UTS2: variants seen among roughly 807,000 people sequenced by gnomAD.
UTS2 encodes the protein urotensin-2.
In UTS2, 10 loss-of-function variants were observed where a neutral mutation model predicts 12.6. The ratio of observed to expected loss-of-function variants is 0.80; its 90% CI spans 0.49 to 1.35. UTS2 has a LOEUF of 1.35. UTS2 is among the 40% of genes most tolerant of loss of function. The pLI, the probability that UTS2 is intolerant of heterozygous loss-of-function variation, is 0.00. For synonymous variants in UTS2, 52 were observed against 50.0 expected, an observed-to-expected ratio of 1.04 and a Z score of -0.17; for missense variants, 142 against 143.2, an observed-to-expected ratio of 0.99 and a Z score of 0.04.
chr1:7,893,783 T>C, the UTS2 span, among the ~76,000 whole-genome samples: 12 of 152,180 alleles, frequency 7.9e-5, no homozygotes, highest in African/African-American at 2.4e-4. Flanking sequence ...CACTCACCCA[T>C]ATATTTCGTC....
the UTS2 span, among the ~76,000 whole-genome samples, chr1:7,892,904 G>A: frequency 7.9e-5 from 12 of 151,984 alleles, no homozygotes; most frequent in East Asian, 2.3e-3. Context: ...AGTCCTTTTT[G>A]CCATGAAAGG....
At chr1:7,870,543 C>T in the UTS2 span, among the ~76,000 whole-genome samples, 58 of 152,326 alleles carry the variant, frequency 3.8e-4, no homozygotes, top group South Asian at 1.2e-3. Flanking sequence ...GTAAATTCTG[C>T]GTAGTGCATC....
chr1:7,905,505 A>C, the UTS2 span, among the ~76,000 whole-genome samples: 82 of 151,954 alleles, frequency 5.4e-4, no homozygotes, highest in African/African-American at 1.8e-3. Context: ...AAACTGTGGC[A>C]AAAACTGCAA....
At chr1:7,878,079 A>G in the UTS2 span, among the ~76,000 whole-genome samples, 4 of 152,384 alleles carry the variant, frequency 2.6e-5, no homozygotes, top group Admixed American at 6.5e-5. Context: ...AAAAGAATCC[A>G]GCAGATTTCT....
At chr1:7,855,136 G>C (rs74646015), upstream of UTS2, among the ~76,000 whole-genome samples, 11,215 of 152,124 alleles carry the variant, frequency 0.074, 970 homozygotes, top group East Asian at 0.38. Context: ...ACTCCAGCCT[G>C]GGTGGCAAGA....
chr1:7,870,377 T>C, the UTS2 span, among the ~76,000 whole-genome samples: 1 of 152,336 alleles, frequency 6.6e-6, no homozygotes, highest in Non-Finnish European at 1.5e-5. Flanking sequence ...ACCTTGATCT[T>C]GGACTTCCAG....
At chr1:7,873,722 C>A in the UTS2 span, among the ~76,000 whole-genome samples, 9 of 152,100 alleles carry the variant, frequency 5.9e-5, no homozygotes, top group African/African-American at 2.2e-4. Context: ...GTGAAGATGC[C>A]GCCAATATTG....
In UTS2 at chr1:7,850,909, G is replaced by A. The variant is rs374753674; in HGVS notation, c.117C>T (p.Asp39=). ...ISFQLSAPHE[D]ARLTPEELER... ...CTAGCTCCTCCGGAGTTAAGCGCGC[G>A]TCTTCATGAGGTGCTACAGAGTAAA... is the stretch of plus-strand genomic sequence containing the variant. The change falls in exon 2 of 4, where the codon GAC becomes GAT. Residue 39 remains aspartate, a synonymous_variant. Transcript: ENST00000361696. 2.9e-5 allele frequency: 47 copies of A among 1,614,002 alleles called. No individual in the cohort carries two copies. Among genetic ancestry groups the A allele is most frequent in the South Asian group, 1.1e-4 (10 of 91,074 alleles).
intron 3 of UTS2, among the ~76,000 whole-genome samples, chr1:7,848,622 T>G (rs990454150): frequency 6.6e-6 from 1 of 152,136 alleles, no homozygotes; most frequent in East Asian, 1.9e-4. Flanking sequence ...CAGGTTCAAG[T>G]GATCCTCCTG....
the UTS2 span, among the ~76,000 whole-genome samples, chr1:7,882,251 C>T: frequency 6.6e-6 from 1 of 152,078 alleles, no homozygotes; most frequent in South Asian, 2.1e-4. Context: ...GGAAGTATTG[C>T]TTGAGCCCAG....
chr1:7,894,362 C>T, the UTS2 span, among the ~76,000 whole-genome samples: 3 of 151,768 alleles, frequency 2.0e-5, no homozygotes, highest in Non-Finnish European at 4.4e-5. Context: ...TTTGTAGAGA[C>T]GGGGTCGCAT....
chr1:7,903,510 C>G, the UTS2 span, among the ~76,000 whole-genome samples: 1 of 151,982 alleles, frequency 6.6e-6, no homozygotes, highest in Non-Finnish European at 1.5e-5. Flanking sequence ...CCCCAACCTC[C>G]GGAGTAGTAG....
At chr1:7,874,248 C>T in the UTS2 span, among the ~76,000 whole-genome samples, 1 of 152,290 alleles carries the variant, frequency 6.6e-6, no homozygotes, top group East Asian at 1.9e-4. Flanking sequence ...CACAGAGAGC[C>T]CCTTGGCCCT....
the UTS2 span, among the ~76,000 whole-genome samples, chr1:7,871,803 A>C: frequency 6.6e-6 from 1 of 152,164 alleles, no homozygotes; most frequent in African/African-American, 2.4e-5. Flanking sequence ...TGCCCATATA[A>C]GACAGCAAAT....
the UTS2 span, among the ~76,000 whole-genome samples, chr1:7,900,514 C>T: frequency 4.7e-4 from 71 of 152,286 alleles, no homozygotes; most frequent in African/African-American, 1.7e-3. Flanking sequence ...TGGTGGCTCA[C>T]GCCTGTAATC....
At chr1:7,877,465 A>G in the UTS2 span, among the ~76,000 whole-genome samples, 2 of 152,230 alleles carry the variant, frequency 1.3e-5, no homozygotes, top group Non-Finnish European at 2.9e-5. Flanking sequence ...AAATAAAATA[A>G]TACAACTTAC....
the UTS2 span, among the ~76,000 whole-genome samples, chr1:7,861,573 C>T: frequency 1.3e-5 from 2 of 152,192 alleles, no homozygotes; most frequent in Admixed American, 1.3e-4. Flanking sequence ...GTGGGCTTGA[C>T]CCGATTTGCC....
At chr1:7,864,812 C>A in the UTS2 span, among the ~76,000 whole-genome samples, 1 of 152,224 alleles carries the variant, frequency 6.6e-6, no homozygotes, top group Non-Finnish European at 1.5e-5. Flanking sequence ...CTCCTACTAA[C>A]CTACCTTTTG....
the UTS2 span, among the ~76,000 whole-genome samples, chr1:7,881,408 A>C: frequency 6.6e-6 from 1 of 152,308 alleles, no homozygotes; most frequent in South Asian, 2.1e-4. Context: ...TTCACCAAAA[A>C]ATCTCTTAGA....
Sources: gnomAD v4.1 joint callset for allele counts (sites outside exome capture counted in the v4.1 genomes callset) on GRCh38, gnomAD v4.1.1 for gene constraint, MANE v1.5 for transcripts, NCBI Gene and HGNC (gene_info 2026-07-23, HGNC 2026-07-21) for gene names.